The following PTPRM variants were observed in gnomAD, a reference collection of about 807,000 sequenced individuals.
PTPRM encodes the protein protein tyrosine phosphatase receptor type M.
A neutral mutation model predicts 186.7 loss-of-function variants in PTPRM; 47 were observed. The ratio of observed to expected loss-of-function variants is 0.25; its 90% CI spans 0.20 to 0.32. PTPRM has a LOEUF of 0.32. PTPRM is among the 10% of genes least tolerant of loss of function. The pLI is 1.00. For synonymous variants in PTPRM, 668 were observed against 674.9 expected (o/e 0.99, Z 0.16); for missense variants, 1,494 against 1,865.0 (o/e 0.80, Z 3.66).
chr18:7,791,854 ATGT>A (rs2043359203), intron 2 of PTPRM, among the ~76,000 whole-genome samples: 1 of 152,144 alleles, frequency 6.6e-6, no homozygotes, highest in African/African-American at 2.4e-5. Flanking sequence ...TAACTTTATG[ATGT>A]TTTGATATAA....
intron 23 of PTPRM, among the ~76,000 whole-genome samples, chr18:8,366,236 C>T (rs1354984368): frequency 6.6e-6 from 1 of 152,222 alleles, no homozygotes; most frequent in Non-Finnish European, 1.5e-5. Context: ...CTCAAGCTCA[C>T]GTCCACACTG....
intron 1 of PTPRM, among the ~76,000 whole-genome samples, chr18:7,603,198 G>T (rs908453333): frequency 6.6e-6 from 1 of 152,044 alleles, no homozygotes; most frequent in African/African-American, 2.4e-5. Flanking sequence ...AAAGTGCTGG[G>T]ATTACAGGTG....
intron 3 of PTPRM, among the ~76,000 whole-genome samples, chr18:7,903,211 T>C (rs1219305289): frequency 3.3e-5 from 5 of 152,188 alleles, no homozygotes; most frequent in African/African-American, 1.2e-4. Context: ...AATGAATGCA[T>C]GGATGAATAA....
chr18:8,277,586 T>C (rs1432355400), intron 19 of PTPRM, among the ~76,000 whole-genome samples: 2 of 152,258 alleles, frequency 1.3e-5, no homozygotes, highest in Non-Finnish European at 2.9e-5. Flanking sequence ...CAATGGTTGA[T>C]ATATAGAAAT....
chr18:7,834,047 A>G (rs2045899353), intron 2 of PTPRM, among the ~76,000 whole-genome samples: 1 of 152,064 alleles, frequency 6.6e-6, no homozygotes, highest in Admixed American at 6.6e-5. Context: ...TAGATCTTTA[A>G]TATGATACTA....
chr18:7,701,776 G>T (rs186946587), intron 1 of PTPRM, among the ~76,000 whole-genome samples: 30 of 152,012 alleles, frequency 2.0e-4, no homozygotes, highest in Admixed American at 1.8e-3. Context: ...TGTTACATAG[G>T]TATACACGTG....
intron 7 of PTPRM, among the ~76,000 whole-genome samples, chr18:8,033,443 A>G (rs1350846174): frequency 1.3e-5 from 2 of 152,196 alleles, no homozygotes; most frequent in Admixed American, 1.3e-4. Context: ...TTGTGCAAAC[A>G]TCGTAGAGTG....
intron 19 of PTPRM, among the ~76,000 whole-genome samples, chr18:8,273,260 G>T (rs1324399921): frequency 6.6e-6 from 1 of 152,028 alleles, no homozygotes; most frequent in Admixed American, 6.6e-5. Context: ...TTGTTCTTAG[G>T]CTTCTCCCCC....
At chr18:7,753,632 A>G (rs890394650) in intron 1 of PTPRM, among the ~76,000 whole-genome samples, 3 of 152,218 alleles carry the variant, frequency 2.0e-5, no homozygotes, top group Admixed American at 6.5e-5. Context: ...CTCACTCACT[A>G]TATGTAATAT....
chr18:7,595,895 T>G (rs1429325685), intron 1 of PTPRM, among the ~76,000 whole-genome samples: 2 of 152,198 alleles, frequency 1.3e-5, no homozygotes, highest in Admixed American at 6.5e-5. Context: ...CCAAACTGCC[T>G]TCCAGAAACA....
intron 1 of PTPRM, among the ~76,000 whole-genome samples, chr18:7,705,598 T>C (rs2040069040): frequency 6.6e-6 from 1 of 152,180 alleles, no homozygotes; most frequent in South Asian, 2.1e-4. Flanking sequence ...ACATTGACTT[T>C]ACAGTATTGT....
chr18:8,341,468 T>G (rs1598369424), intron 22 of PTPRM, among the ~76,000 whole-genome samples: 2 of 150,840 alleles, frequency 1.3e-5, no homozygotes, highest in Admixed American at 6.6e-5. Flanking sequence ...AAGGGGTGAG[T>G]GAGGAATATG....
intron 8 of PTPRM, 33 bp from the exon 9 acceptor site, chr18:8,076,422 C>A: frequency 7.9e-7 from 1 of 1,262,044 alleles, no homozygotes; most frequent in Non-Finnish European, 1.2e-6. Context: ...TTGTTTATTA[C>A]TTAAACATTT....
At chr18:8,210,172 A>G (rs1320168029) in intron 14 of PTPRM, among the ~76,000 whole-genome samples, 1 of 152,042 alleles carries the variant, frequency 6.6e-6, no homozygotes, top group African/African-American at 2.4e-5. Flanking sequence ...TTAGCTGGGC[A>G]TGGTGGCAAG....
intron 14 of PTPRM, among the ~76,000 whole-genome samples, chr18:8,219,656 T>C (rs1475956779): frequency 1.3e-5 from 2 of 152,164 alleles, no homozygotes; most frequent in Non-Finnish European, 2.9e-5. Context: ...AAAGGTGGGA[T>C]ATCTTGAGGT....
chr18:8,376,508 T>C lies in PTPRM; in HGVS notation c.3373T>C (p.Leu1125=). The C allele has an allele frequency of 1.2e-6, 2 of 1,614,122 alleles. No homozygotes were observed. Among genetic ancestry groups the C allele is most frequent in the Non-Finnish European group, 1.7e-6 (2 of 1,180,018 alleles). The change falls in exon 26 of 33, where the codon TTG becomes CTG. Residue 1125 remains leucine, a synonymous_variant. Transcript: ENST00000580170. ...TGCFIVIDIM[L]DMAEREGVVD... ...CTGTTTCATCGTCATTGATATCATGTTGGACATGGCCGAAAGGGAAGGGGT... is the reference window on the plus strand; with the variant it reads ...CTGTTTCATCGTCATTGATATCATGCTGGACATGGCCGAAAGGGAAGGGGT...
At chr18:8,162,739 T>A (rs2093253874) in intron 14 of PTPRM, among the ~76,000 whole-genome samples, 1 of 152,204 alleles carries the variant, frequency 6.6e-6, no homozygotes, top group South Asian at 2.1e-4. Context: ...ACATAGCATA[T>A]TTCCCTATGT....
intron 14 of PTPRM, among the ~76,000 whole-genome samples, chr18:8,151,169 T>C (rs538925922): frequency 9.8e-4 from 149 of 152,180 alleles, no homozygotes; most frequent in African/African-American, 3.4e-3. Flanking sequence ...TGCTGGTAGA[T>C]CTGCTGTTCT....
intron 7 of PTPRM, among the ~76,000 whole-genome samples, chr18:8,038,981 G>T (rs972053047): frequency 7.3e-5 from 11 of 150,536 alleles, no homozygotes; most frequent in African/African-American, 2.4e-4. Flanking sequence ...TATTTTCAGG[G>T]GTTTTTTTTT....
Sources: gnomAD v4.1 joint callset for allele counts (sites outside exome capture counted in the v4.1 genomes callset) on GRCh38, gnomAD v4.1.1 for gene constraint, MANE v1.5 for transcripts, NCBI Gene and HGNC (gene_info 2026-07-23, HGNC 2026-07-21) for gene names.